ZNF777: variants seen among roughly 807,000 people sequenced by gnomAD.
ZNF777 encodes zinc finger protein 777.
ZNF777 carries 7 observed loss-of-function variants against 72.1 expected under a neutral mutation model. That is an observed-to-expected ratio of 0.10 (90% CI 0.06 to 0.18). The LOEUF is 0.18. Among genes scored for constraint, ZNF777 ranks in the 10% least tolerant of loss-of-function variants. The probability of loss-of-function intolerance (pLI) is 1.00; values close to 1 mark genes in which losing one functional copy is unlikely to be tolerated. For missense variants in ZNF777, 828 were observed against 1,128.6 expected (o/e 0.73, Z 3.82); for synonymous variants, 545 against 483.5 (o/e 1.13, Z -1.67).
chr7:149,459,841 G>A (rs959902843), intron 1 of ZNF777: 3 of 984,554 alleles, frequency 3.0e-6, no homozygotes, highest in African/African-American at 1.8e-5. Context: ...GCCCCGCAGG[G>A]AGCGAGCGCG....
intron 4 of ZNF777, among the ~76,000 whole-genome samples, chr7:149,440,861 T>G (rs967524117): frequency 1.3e-5 from 2 of 152,000 alleles, no homozygotes; most frequent in Admixed American, 1.3e-4. Context: ...CTCAAGAGCA[T>G]GGGTACCTCA....
chr7:149,457,699 T>C (rs935767110), intron 1 of ZNF777, among the ~76,000 whole-genome samples: 1 of 152,246 alleles, frequency 6.6e-6, no homozygotes, highest in Non-Finnish European at 1.5e-5. Context: ...TATCGTCTAA[T>C]AGCCTCTGCC....
intron 4 of ZNF777, among the ~76,000 whole-genome samples, chr7:149,438,664 G>A (rs1799459458): frequency 1.3e-5 from 2 of 152,314 alleles, no homozygotes; most frequent in South Asian, 4.2e-4. Context: ...GAGAAAAGAA[G>A]CCAGGAGATA....
chr7:149,440,393 T>G (rs1799488307), intron 4 of ZNF777, among the ~76,000 whole-genome samples: 1 of 152,116 alleles, frequency 6.6e-6, no homozygotes, highest in South Asian at 2.1e-4. Flanking sequence ...GAGGCCTTGC[T>G]CTGTTGCGTA....
rs57860880 is a variant in ZNF777, at chr7:149,448,579, CTA to C, written c.1087+2418_1087+2419del. On this transcript the variant is annotated intron_variant, in intron 4 of 5. Transcript: ENST00000247930. ...TATAGTTATATAGTTATACATATAA[CTA>C]TATATATATATATATATATATATAT... is the stretch of plus-strand genomic sequence containing the variant. Among the ~76,000 whole-genome samples the C allele has an allele frequency of 8.9e-3, 1,022 of 114,988 alleles. 5 individuals are homozygous for C. The highest frequency in any genetic ancestry group is 0.024 in the Middle Eastern group (5 of 212). The allele number at this position is 114,988 out of a possible 152,430, so 75.4% of individuals were successfully genotyped here.
Position 149,460,547 on chromosome 7 carries a change from T to C in ZNF777, c.-16+268A>G, listed in dbSNP as rs1257412329. Among the ~76,000 whole-genome samples the C allele has an allele frequency of 2.0e-5, 3 of 151,634 alleles. No homozygotes were observed. The highest frequency in any genetic ancestry group is 4.4e-5 in the Non-Finnish European group (3 of 67,892). The stretch of plus-strand genomic sequence containing the variant: ...CTGCGCTGCCGTCCCGGCGCCTCTT[T>C]AGCAGGGGAGCTGCACAGCAGCTGC... On this transcript the variant is annotated intron_variant, in intron 1 of 5. Coordinates refer to ENST00000247930, the MANE Select transcript of ZNF777 (RefSeq NM_015694.3). The surrounding 1 kb of genome is among the most constrained non-coding windows in gnomAD (Gnocchi z 6.1).
chr7:149,453,329 G>T (rs1402868147), intron 3 of ZNF777, among the ~76,000 whole-genome samples: 1 of 151,986 alleles, frequency 6.6e-6, no homozygotes, highest in South Asian at 2.1e-4. Context: ...CCTATGGAAA[G>T]GTATGTATAA....
At position 149,431,497 on chromosome 7, in the gene ZNF777, C is replaced by T. The variant is rs1563231625; in HGVS notation, c.*279G>A. The T allele has an allele frequency of 1.3e-5, 6 of 451,684 alleles. No individual in the cohort carries two copies. Among genetic ancestry groups the T allele is most frequent in the South Asian group, 9.5e-5 (6 of 63,256 alleles). The allele number at this position is 451,684 out of a possible 1,614,324, so 28.0% of individuals were successfully genotyped here. A position where few individuals can be genotyped will look rare whatever the true frequency, so the allele number is the denominator to read the frequency against. ...CGGCGGCCAAATCACGCCCCCCGTG[C>T]TGATTGGTTTCATCCATTTTATTGT... On this transcript the variant is annotated 3_prime_UTR_variant, in exon 6 of 6. Coordinates refer to ENST00000247930, the MANE Select transcript of ZNF777 (RefSeq NM_015694.3).
At chr7:149,441,023 T>C (rs1055135739) in intron 4 of ZNF777, among the ~76,000 whole-genome samples, 2 of 152,192 alleles carry the variant, frequency 1.3e-5, no homozygotes, top group Non-Finnish European at 1.5e-5. Context: ...TTGTGGCACA[T>C]ACTCTACTCT....
chr7:149,446,333 G>A (rs1194315340), intron 4 of ZNF777, among the ~76,000 whole-genome samples: 3 of 151,860 alleles, frequency 2.0e-5, no homozygotes, highest in East Asian at 3.9e-4. Flanking sequence ...CCAAGATCGC[G>A]CCATTGCACT....
chr7:149,444,548 T>A (rs1172002232), intron 4 of ZNF777, among the ~76,000 whole-genome samples: 1 of 152,224 alleles, frequency 6.6e-6, no homozygotes, highest in Non-Finnish European at 1.5e-5. Flanking sequence ...GTTTACTTCC[T>A]CATTTTGGCA....
At chr7:149,434,585 TTTTAA>T (rs528578046) in intron 5 of ZNF777, among the ~76,000 whole-genome samples, 231 of 152,332 alleles carry the variant, frequency 1.5e-3, no homozygotes, top group African/African-American at 4.9e-3. Context: ...TCTTTTTTTC[TTTTAA>T]TTTATTTTTT....
chr7:149,454,580 G>C (rs577459989), intron 2 of ZNF777, among the ~76,000 whole-genome samples: 2 of 152,212 alleles, frequency 1.3e-5, no homozygotes, highest in African/African-American at 2.4e-5. Flanking sequence ...GAGACATACC[G>C]GGCTAGAGAA....
intron 4 of ZNF777, among the ~76,000 whole-genome samples, chr7:149,448,555 ATAGT>A (rs1179002053): frequency 8.8e-6 from 1 of 113,478 alleles, no homozygotes. Flanking sequence ...AGTTATACAT[ATAGT>A]TATATAGTTA....
chr7:149,433,339 A>C (rs1236085598), intron 5 of ZNF777, among the ~76,000 whole-genome samples: 3 of 152,190 alleles, frequency 2.0e-5, no homozygotes, highest in African/African-American at 4.8e-5. Context: ...CTGATGCTGG[A>C]ATACTCACGA....
chr7:149,455,652 T>C lies in ZNF777; in HGVS notation c.371A>G (p.His124Arg). 7.8e-7 allele frequency: 1 copy of C among 1,277,364 alleles called. No individual in the cohort carries two copies. The highest frequency in any genetic ancestry group is 1.0e-6 in the Non-Finnish European group (1 of 986,886). 79.1% of individuals were successfully genotyped at this position (1,277,364 alleles called of 1,614,324 possible). A position where few individuals can be genotyped will look rare whatever the true frequency, so the allele number is the denominator to read the frequency against. Residue 124 changes from histidine (H) to arginine (R), a missense_variant, in exon 2 of 6, where the codon CAC becomes CGC. By Grantham distance (29) the His-to-Arg change is conservative. Around this residue, in one of 12 missense-constraint regions of ZNF777, gnomAD observed 222 missense variants for 211.2 expected, o/e 1.05. Coordinates refer to ENST00000247930, the MANE Select transcript of ZNF777 (RefSeq NM_015694.3). The surrounding 1 kb of genome is among the most constrained non-coding windows in gnomAD (Gnocchi z 4.2). Reference protein sequence around the residue: ...EVSLLSHSPHHQEAPVHSPEA... With the variant: ...EVSLLSHSPHRQEAPVHSPEA... ...AGGGGAGTGAACGGGGGCTTCCTGGTGGTGGGGGGAGTGGGAGAGAAGGGA... is the reference window on the plus strand; with the variant it reads ...AGGGGAGTGAACGGGGGCTTCCTGGCGGTGGGGGGAGTGGGAGAGAAGGGA...
intron 4 of ZNF777, among the ~76,000 whole-genome samples, chr7:149,441,106 C>T (rs1345558621): frequency 1.3e-5 from 2 of 152,228 alleles, no homozygotes; most frequent in Non-Finnish European, 2.9e-5. Flanking sequence ...GGAACGCCAG[C>T]GTTTCCCACC....
intron 5 of ZNF777, 96 bp from the exon 6 acceptor site, chr7:149,433,028 CA>C: frequency 7.1e-7 from 1 of 1,415,244 alleles, no homozygotes; most frequent in Non-Finnish European, 9.2e-7. Context: ...CTCACCAAAA[CA>C]TTGCATTATT....
Position 149,460,616 on chromosome 7 carries a change from G to C in ZNF777, c.-16+199C>G, listed in dbSNP as rs1799931315. Among the ~76,000 whole-genome samples the C allele has an allele frequency of 6.6e-6, 1 of 152,098 alleles. No individual in the cohort carries two copies. The highest frequency in any genetic ancestry group is 6.5e-5 in the Admixed American group (1 of 15,270). ...ATCCTGGGAGGCATGTCCCTCTCAG[G>C]CCGTTTAAAGAGAAACACTCCGAGG... On this transcript the variant is annotated intron_variant, in intron 1 of 5. Transcript: ENST00000247930. The surrounding 1 kb of genome is among the most constrained non-coding windows in gnomAD (Gnocchi z 6.1).
Sources: gnomAD v4.1 joint callset for allele counts (sites outside exome capture counted in the v4.1 genomes callset) on GRCh38, gnomAD v4.1.1 for gene constraint, gnomAD v4.1.1 regional missense constraint, Gnocchi (gnomAD v3.1) non-coding constraint, MANE v1.5 for transcripts, NCBI Gene and HGNC (gene_info 2026-07-23, HGNC 2026-07-21) for gene names.